Variants in ME1 observed in about 807,000 individuals in gnomAD.
ME1 encodes NADP-dependent malic enzyme.
ME1 carries 74 observed loss-of-function variants against 66.4 expected under a neutral mutation model. That is an observed-to-expected ratio of 1.11 (90% CI 0.92 to 1.35). The LOEUF is 1.35. ME1 is among the 40% of genes most tolerant of loss of function. ME1 has a pLI of 0.00. For missense variants in ME1, 750 were observed against 694.1 expected, an observed-to-expected ratio of 1.08 and a Z score of -0.90; for synonymous variants, 251 against 235.6, an observed-to-expected ratio of 1.07 and a Z score of -0.60.
chr6:83,414,636 C>G (rs1167518589), intron 1 of ME1, among the ~76,000 whole-genome samples: 1 of 151,996 alleles, frequency 6.6e-6, no homozygotes, highest in Non-Finnish European at 1.5e-5. Context: ...AAGAACACCT[C>G]TACCTAAGAG....
chr6:83,247,000 T>C (rs763581590), intron 7 of ME1, among the ~76,000 whole-genome samples: 23 of 152,294 alleles, frequency 1.5e-4, no homozygotes, highest in Non-Finnish European at 1.8e-4. Flanking sequence ...GGTATCCTTT[T>C]GTGAGTATCT....
chr6:83,227,557 T>C, intron 10 of ME1, 80 bp from the exon 11 acceptor site: 1 of 1,182,442 alleles, frequency 8.5e-7, no homozygotes, highest in Non-Finnish European at 1.2e-6. Flanking sequence ...AAATCAATGA[T>C]ATCTATCAGC....
At chr6:83,323,892 T>C (rs1399642001) in intron 5 of ME1, among the ~76,000 whole-genome samples, 48 of 152,042 alleles carry the variant, frequency 3.2e-4, no homozygotes, top group Admixed American at 3.1e-3. Context: ...ACATTCTTCT[T>C]AGCACCACAC....
At chr6:83,294,349 C>T (rs1767556108) in intron 6 of ME1, among the ~76,000 whole-genome samples, 1 of 152,174 alleles carries the variant, frequency 6.6e-6, no homozygotes, top group Non-Finnish European at 1.5e-5. Flanking sequence ...CTCTGACATT[C>T]CAACTCTAAG....
At chr6:83,415,931 T>C (rs923964448) in intron 1 of ME1, among the ~76,000 whole-genome samples, 6 of 152,206 alleles carry the variant, frequency 3.9e-5, no homozygotes. Context: ...AGCTATTCAG[T>C]ACATTTTTGG....
intron 11 of ME1, among the ~76,000 whole-genome samples, chr6:83,225,819 T>C (rs1296165363): frequency 1.0e-5 from 1 of 100,012 alleles, no homozygotes; most frequent in Non-Finnish European, 1.8e-5. Flanking sequence ...TATATATATA[T>C]ATATATATAT....
chr6:83,243,627 T>A (rs1237855405), intron 7 of ME1, among the ~76,000 whole-genome samples: 6 of 104,494 alleles, frequency 5.7e-5, no homozygotes, highest in Non-Finnish European at 6.8e-5. Flanking sequence ...ATATAATCTA[T>A]TATAATTACA....
intron 3 of ME1, among the ~76,000 whole-genome samples, chr6:83,353,450 T>C (rs564319030): frequency 1.3e-5 from 2 of 152,174 alleles, no homozygotes; most frequent in Admixed American, 6.5e-5. Context: ...AAGGATACGG[T>C]TGATATAGAA....
At chr6:83,263,761 AAC>A in intron 6 of ME1, among the ~76,000 whole-genome samples, 1 of 326 alleles carries the variant, frequency 3.1e-3, no homozygotes, top group Admixed American at 0.028. Context: ...AACATAACAT[AAC>A]ATAACATAAC....
intron 3 of ME1, among the ~76,000 whole-genome samples, chr6:83,359,606 A>G (rs1389008990): frequency 1.3e-5 from 2 of 152,152 alleles, no homozygotes; most frequent in East Asian, 3.9e-4. Context: ...ACTGTGAGTG[A>G]GCTGGAAATG....
intron 6 of ME1, among the ~76,000 whole-genome samples, chr6:83,312,352 C>A (rs1466421863): frequency 2.0e-5 from 3 of 152,100 alleles, no homozygotes; most frequent in African/African-American, 7.2e-5. Context: ...CACCACAGAC[C>A]CACCTGGTGG....
intron 6 of ME1, among the ~76,000 whole-genome samples, chr6:83,268,728 G>A (rs895590658): frequency 2.1e-5 from 3 of 143,786 alleles, no homozygotes; most frequent in East Asian, 2.1e-4. Context: ...ACCATGCCCC[G>A]TTATTATTAT....
rs16882318 is a variant in ME1 at position 83,222,655 on chromosome 6, G to A, written c.1449+1105C>T. Among the ~76,000 whole-genome samples the A allele has an allele frequency of 3.7e-3, 564 of 152,206 alleles. 4 individuals carry two copies. Among genetic ancestry groups the A allele is most frequent in the African/African-American group, 0.012 (508 of 41,516 alleles). On this transcript the variant is annotated intron_variant, in intron 12 of 13. Coordinates refer to ENST00000369705, the MANE Select transcript of ME1 (RefSeq NM_002395.6). ...TTTTATAAATATATGCCCAATCACCGTATCATCCTGCTGAGGCTTGGGAGG... is the reference window on the plus strand; with the variant it reads ...TTTTATAAATATATGCCCAATCACCATATCATCCTGCTGAGGCTTGGGAGG...
chr6:83,414,415 T>A, intron 1 of ME1, among the ~76,000 whole-genome samples: 1 of 152,240 alleles, frequency 6.6e-6, no homozygotes, highest in East Asian at 1.9e-4. Context: ...ATATCTGATA[T>A]AAAGTAATTT....
intron 3 of ME1, 33 bp downstream of exon 3, chr6:83,398,334 C>A: frequency 1.4e-6 from 2 of 1,467,722 alleles, no homozygotes; most frequent in East Asian, 2.4e-5. Flanking sequence ...TAAATAAAGA[C>A]ACAAGTTGCA....
intron 6 of ME1, among the ~76,000 whole-genome samples, chr6:83,263,941 A>C (rs1386783177): frequency 6.6e-6 from 1 of 152,202 alleles, no homozygotes; most frequent in African/African-American, 2.4e-5. Flanking sequence ...ATTAAAGACC[A>C]GATTTAAAAT....
intron 3 of ME1, chr6:83,392,340 A>G (rs1769637935): frequency 7.7e-6 from 4 of 518,392 alleles, no homozygotes; most frequent in South Asian, 4.2e-5. Context: ...GCCCATGGCA[A>G]ATTCCATGGC....
intron 6 of ME1, among the ~76,000 whole-genome samples, chr6:83,297,964 G>T (rs1437033253): frequency 6.6e-6 from 1 of 152,146 alleles, no homozygotes; most frequent in Non-Finnish European, 1.5e-5. Flanking sequence ...GTCTATCATT[G>T]ATGGACATTT....
intron 5 of ME1, among the ~76,000 whole-genome samples, chr6:83,341,741 G>A (rs2023241): frequency 0.33 from 50,643 of 151,830 alleles, 8,820 homozygotes; most frequent in Middle Eastern, 0.5. Flanking sequence ...CTGACTTCCT[G>A]GAACAAAATT....
Sources: allele counts gnomAD v4.1 joint callset (sites outside exome capture counted in the v4.1 genomes callset), GRCh38; gene constraint gnomAD v4.1.1; transcripts MANE v1.5; gene names NCBI Gene and HGNC (gene_info 2026-07-23, HGNC 2026-07-21).